Variants in NFIA observed in about 807,000 individuals in gnomAD.
NFIA encodes nuclear factor I A.
Under a neutral mutation model 62.8 loss-of-function variants are expected in NFIA, and 8 were observed. The observed-to-expected ratio is 0.13, with a 90% CI of 0.07 to 0.23. The LOEUF (loss-of-function observed/expected upper bound fraction) is 0.23, where lower values mean the gene tolerates loss of function less well. Ranked by LOEUF, NFIA falls within the 10% of genes least tolerant of loss-of-function variation. The pLI, the probability that NFIA is intolerant of heterozygous loss-of-function variation, is 1.00. For missense variants in NFIA, 410 were observed against 642.1 expected, an observed-to-expected ratio of 0.64 and a Z score of 3.91; for synonymous variants, 235 against 238.1, an observed-to-expected ratio of 0.99 and a Z score of 0.12.
chr1:61,263,806 C>A (rs1656926413), intron 2 of NFIA, among the ~76,000 whole-genome samples: 1 of 152,062 alleles, frequency 6.6e-6, no homozygotes, highest in East Asian at 1.9e-4. Flanking sequence ...ACAAGCCTGG[C>A]CAACGTAGCC....
At chr1:61,243,378 T>C (rs1171255662) in intron 2 of NFIA, among the ~76,000 whole-genome samples, 1 of 152,186 alleles carries the variant, frequency 6.6e-6, no homozygotes, top group Admixed American at 6.5e-5. Context: ...TTAAAAGTCT[T>C]TCTTGCCAAT....
intron 2 of NFIA, among the ~76,000 whole-genome samples, chr1:61,273,320 T>G (rs1025538563): frequency 1.3e-5 from 2 of 152,172 alleles, no homozygotes; most frequent in African/African-American, 4.8e-5. Flanking sequence ...CGGCTTCAGC[T>G]CAGCCTCTGT....
chr1:61,392,050 G>T lies in NFIA; in HGVS notation c.1075+8685G>T, dbSNP rs547288122. ...GAATTGCCAGAATTGATTTTCAAAT[G>T]CAGGCCTCATAGACCTAACAAGTAC... On this transcript the variant is annotated intron_variant, in intron 7 of 10. Transcript: ENST00000403491. 7.2e-5 allele frequency among the ~76,000 whole-genome samples: 11 copies of T among 152,272 alleles called. No individual in the cohort carries two copies. The South Asian group carries it at 2.3e-3, about 32-fold the overall frequency.
At chr1:61,397,719 G>A (rs1665349691) in intron 7 of NFIA, among the ~76,000 whole-genome samples, 1 of 152,224 alleles carries the variant, frequency 6.6e-6, no homozygotes, top group Non-Finnish European at 1.5e-5. Context: ...GCAACCTGAA[G>A]CATAGCTCGT....
chr1:61,365,529 G>A (rs1312799635), intron 6 of NFIA, among the ~76,000 whole-genome samples: 2 of 152,202 alleles, frequency 1.3e-5, no homozygotes, highest in Non-Finnish European at 2.9e-5. Flanking sequence ...CAATTCTCTT[G>A]TCTCCCTCTC....
At chr1:61,271,215 A>G (rs182525972) in intron 2 of NFIA, among the ~76,000 whole-genome samples, 24 of 152,200 alleles carry the variant, frequency 1.6e-4, no homozygotes, top group Admixed American at 1.5e-3. Context: ...TTTTTTCTCA[A>G]CGTGTTAGAA....
At chr1:61,188,744 A>AG (rs1651390378) in intron 2 of NFIA, among the ~76,000 whole-genome samples, 1 of 152,202 alleles carries the variant, frequency 6.6e-6, no homozygotes, top group Non-Finnish European at 1.5e-5. Flanking sequence ...TTCAAAAACT[A>AG]GGGCCAGATT....
intron 2 of NFIA, among the ~76,000 whole-genome samples, chr1:61,135,555 C>T (rs112743543): frequency 4.3e-4 from 65 of 152,162 alleles, no homozygotes; most frequent in Non-Finnish European, 5.6e-4. Flanking sequence ...CTGGCATGTG[C>T]CATCACACCT....
At position 61,088,078 on chromosome 1, in the gene NFIA, A is replaced by G; in HGVS notation, c.28-71A>G. 7.0e-7 allele frequency: 1 copy of G among 1,421,340 alleles called. No individual in the cohort carries two copies. 88.0% of individuals were successfully genotyped at this position (1,421,340 alleles called of 1,614,324 possible). A position where few individuals can be genotyped will look rare whatever the true frequency, so the allele number is the denominator to read the frequency against. On this transcript the variant is annotated intron_variant, in intron 1 of 10. Coordinates refer to ENST00000403491, the MANE Select transcript of NFIA (RefSeq NM_001134673.4). The surrounding 1 kb of genome is among the most constrained non-coding windows in gnomAD (Gnocchi z 4.5). Reference sequence around the variant, plus strand: ...AATGAGGAATTTCTTTCTTAAGGTGACCCGCTGAAGAAAAGTTGTTTTCTT... The same window carrying G: ...AATGAGGAATTTCTTTCTTAAGGTGGCCCGCTGAAGAAAAGTTGTTTTCTT...
intron 2 of NFIA, among the ~76,000 whole-genome samples, chr1:61,095,669 G>A (rs1646399092): frequency 1.3e-5 from 2 of 152,016 alleles, no homozygotes. Context: ...TCACTGTTAG[G>A]GTCAAAATCT....
At chr1:61,400,643 TCACA>T (rs367897402) in intron 7 of NFIA, among the ~76,000 whole-genome samples, 3 of 152,276 alleles carry the variant, frequency 2.0e-5, no homozygotes, top group South Asian at 2.1e-4. Flanking sequence ...TGTCAACTAC[TCACA>T]CACACACATC....
intron 2 of NFIA, among the ~76,000 whole-genome samples, chr1:61,260,670 T>C (rs538958054): frequency 6.6e-6 from 1 of 152,302 alleles, no homozygotes; most frequent in East Asian, 1.9e-4. Context: ...AAGCTCCGCC[T>C]CCCGGGTTCA....
intron 2 of NFIA, among the ~76,000 whole-genome samples, chr1:61,123,115 A>G (rs1309907576): frequency 6.6e-6 from 1 of 152,136 alleles, no homozygotes; most frequent in Non-Finnish European, 1.5e-5. Context: ...TTATCTTTGT[A>G]TTTTGCACGT....
chr1:61,090,914 G>A (rs916583488), intron 2 of NFIA, among the ~76,000 whole-genome samples: 27 of 152,206 alleles, frequency 1.8e-4, no homozygotes, highest in African/African-American at 5.8e-4. Flanking sequence ...GTTATTTGTG[G>A]AAGGGAAGCT....
chr1:61,189,107 A>G (rs906788570), intron 2 of NFIA, among the ~76,000 whole-genome samples: 63 of 152,312 alleles, frequency 4.1e-4, no homozygotes, highest in African/African-American at 1.3e-3. Flanking sequence ...GAGGTATAGT[A>G]GGGTAACGGG....
intron 3 of NFIA, among the ~76,000 whole-genome samples, chr1:61,285,502 G>C (rs2100294930): frequency 6.6e-6 from 1 of 152,242 alleles, no homozygotes; most frequent in East Asian, 1.9e-4. Context: ...TTGATTAGTT[G>C]CCTGCTAGAA....
At chr1:61,304,483 C>T (rs146772974) in intron 3 of NFIA, among the ~76,000 whole-genome samples, 51 of 152,158 alleles carry the variant, frequency 3.4e-4, no homozygotes, top group African/African-American at 6.3e-4. Context: ...CTTTGAGAAA[C>T]GGGTGGAAAA....
chr1:61,443,000 T>C (rs769375538), intron 10 of NFIA, among the ~76,000 whole-genome samples: 2 of 152,234 alleles, frequency 1.3e-5, no homozygotes, highest in Non-Finnish European at 2.9e-5. Context: ...GGGTTTTATT[T>C]AGAAGCATAT....
chr1:61,315,040 C>CAA (rs71582636), intron 3 of NFIA, among the ~76,000 whole-genome samples: 16,457 of 150,304 alleles, frequency 0.11, 971 homozygotes, highest in Middle Eastern at 0.14. Flanking sequence ...GCACCTGAAA[C>CAA]AAAAAAAAAC....
Sources: allele counts gnomAD v4.1 joint callset (sites outside exome capture counted in the v4.1 genomes callset), GRCh38; gene constraint gnomAD v4.1.1; non-coding constraint Gnocchi (gnomAD v3.1); transcripts MANE v1.5; gene names NCBI Gene and HGNC (gene_info 2026-07-23, HGNC 2026-07-21).